The following NME6 variants were observed in gnomAD, a reference collection of about 807,000 sequenced individuals.
NME6 encodes nucleoside diphosphate kinase 6, mitochondrial.
Under a neutral mutation model 22.2 loss-of-function variants are expected in NME6, and 16 were observed. The ratio of observed to expected loss-of-function variants is 0.72; its 90% CI spans 0.49 to 1.09. NME6 has a LOEUF of 1.09. NME6 is among the 50% of genes least tolerant of loss of function. NME6 has a pLI of 0.00. For missense variants in NME6, 229 were observed against 239.0 expected (o/e 0.96, Z 0.28); for synonymous variants, 58 against 85.2 (o/e 0.68, Z 1.76).
At chr3:48,290,306 T>C (rs564161443), downstream of NME6, among the ~76,000 whole-genome samples, 24 of 152,222 alleles carry the variant, frequency 1.6e-4, 1 homozygote, top group African/African-American at 2.2e-4. Context: ...TTATTTTATT[T>C]TTCTAAAAAG....
intron 4 of NME6, chr3:48,295,889 G>A (rs2035041371): frequency 9.0e-6 from 5 of 552,496 alleles, no homozygotes; most frequent in Non-Finnish European, 1.6e-5. Flanking sequence ...CTAATTTTTT[G>A]TATTTTTAGT....
rs949342926 is a variant in NME6, at chr3:48,293,488, C to T, written c.*1149G>A. The T allele has an allele frequency of 6.6e-5, 10 of 152,228 alleles. No homozygotes were observed. Among genetic ancestry groups the T allele is most frequent in the African/African-American group, 2.4e-4 (10 of 41,464 alleles). 9.4% of individuals were successfully genotyped at this position (152,228 alleles called of 1,614,324 possible). A position where few individuals can be genotyped will look rare whatever the true frequency, so the allele number is the denominator to read the frequency against. On this transcript the variant is annotated 3_prime_UTR_variant, in exon 6 of 6. Coordinates refer to ENST00000442597, the MANE Select transcript of NME6 (RefSeq NM_001308426.2). ...CACATACAAAACTGACCCATATATT[C>T]CTGAAAATGAACAGACTGTCTAGTG...
In NME6 at chr3:48,292,418, T is replaced by C. The variant is rs750921793; in HGVS notation, c.*2219A>G. On this transcript the variant is annotated 3_prime_UTR_variant, in exon 6 of 6. Transcript: ENST00000442597. ...TTTTATTGGGAGATAATTCTGTGTC[T>C]CTTGTGGGTGTCTTAATTGTCAGAT... 5 of 152,240 alleles carry C rather than the reference T, an allele frequency of 3.3e-5. No individual in the cohort carries two copies. The highest frequency in any genetic ancestry group is 6.5e-5 in the Admixed American group (1 of 15,286). The allele number at this position is 152,240 out of a possible 1,614,324, so 9.4% of individuals were successfully genotyped here. A position where few individuals can be genotyped will look rare whatever the true frequency, so the allele number is the denominator to read the frequency against.
At chr3:48,290,518 TACTA>T (rs2034382350), downstream of NME6, among the ~76,000 whole-genome samples, 1 of 152,202 alleles carries the variant, frequency 6.6e-6, no homozygotes, top group South Asian at 2.1e-4. Flanking sequence ...TATAATACTC[TACTA>T]ACTATATTCA....
rs182957460 is a variant in NME6, at chr3:48,292,337, T to A, written c.*2300A>T. 10 of 152,184 alleles carry A rather than the reference T, an allele frequency of 6.6e-5. No homozygotes were observed. Among genetic ancestry groups the A allele is most frequent in the African/African-American group, 2.2e-4 (9 of 41,516 alleles). 9.4% of individuals were successfully genotyped at this position (152,184 alleles called of 1,614,324 possible). On this transcript the variant is annotated 3_prime_UTR_variant, in exon 6 of 6. Transcript: ENST00000442597. ...ATATCTCCAATTCGACACCACAGGGTTTATTCTAGTTTTCTCCCTTTCCAT... is the reference window on the plus strand; with the variant it reads ...ATATCTCCAATTCGACACCACAGGGATTATTCTAGTTTTCTCCCTTTCCAT...
chr3:48,296,426 T>C (rs552209893), intron 3 of NME6, among the ~76,000 whole-genome samples: 17 of 152,216 alleles, frequency 1.1e-4, no homozygotes, highest in Admixed American at 2.6e-4. Context: ...GTTGGGAAAA[T>C]TGAATGAAAA....
intron 3 of NME6, 94 bp from the exon 4 acceptor site, chr3:48,296,252 T>A: frequency 6.4e-7 from 1 of 1,568,708 alleles, no homozygotes; most frequent in Non-Finnish European, 8.7e-7. Flanking sequence ...ATAATAAAAA[T>A]TGTTTCAGAG....
downstream of NME6, among the ~76,000 whole-genome samples, chr3:48,290,174 C>T (rs1006140399): frequency 6.6e-6 from 1 of 151,440 alleles, no homozygotes; most frequent in African/African-American, 2.4e-5. Context: ...GATCCTCCTG[C>T]CTCAGCCTCC....
Position 48,294,585 on chromosome 3 carries a change from CTA to C in NME6, c.*50_*51del. On this transcript the variant is annotated 3_prime_UTR_variant, in exon 6 of 6. Transcript: ENST00000442597. ...CCTGGTCCTAGGAGAATGTTTTAGACTAGATGTCTAGGAGAAGTCTGGGCACT... is the reference window on the plus strand; with the variant it reads ...CCTGGTCCTAGGAGAATGTTTTAGACGATGTCTAGGAGAAGTCTGGGCACT... 1 of 1,588,202 alleles carries C rather than the reference CTA, an allele frequency of 6.3e-7. No homozygotes were observed. Among genetic ancestry groups the C allele is most frequent in the Non-Finnish European group, 8.6e-7 (1 of 1,160,684 alleles).
chr3:48,287,666 G>A (rs2034251351), downstream of NME6: 1 of 152,186 alleles, frequency 6.6e-6, no homozygotes, highest in African/African-American at 2.4e-5. Flanking sequence ...GATGATCCAA[G>A]AAAGACAGGA....
At chr3:48,300,131 C>T in intron 1 of NME6, 1 of 419,136 alleles carries the variant, frequency 2.4e-6, no homozygotes, top group Non-Finnish European at 4.8e-6. Context: ...AATCTCCACA[C>T]AGCAGCCAAA....
At chr3:48,290,057 C>G (rs2106875805), downstream of NME6, among the ~76,000 whole-genome samples, 1 of 150,984 alleles carries the variant, frequency 6.6e-6, no homozygotes, top group Middle Eastern at 3.5e-3. Flanking sequence ...GAAACAAATA[C>G]AATGGTTTTT....
At chr3:48,301,314 C>T in intron 1 of NME6, 39 bp downstream of exon 1, 1 of 1,593,342 alleles carries the variant, frequency 6.3e-7, no homozygotes, top group Non-Finnish European at 8.5e-7. Context: ...CTGGGTCATT[C>T]GGAGCCCCAG....
intron 5 of NME6, 45 bp downstream of exon 5, chr3:48,295,029 GC>G: frequency 6.3e-7 from 1 of 1,584,432 alleles, no homozygotes; most frequent in East Asian, 2.3e-5. Flanking sequence ...CACACAGCCT[GC>G]CCGCTAACCC....
At chr3:48,288,356 C>T (rs2034273242), downstream of NME6, among the ~76,000 whole-genome samples, 1 of 143,690 alleles carries the variant, frequency 7.0e-6, no homozygotes, top group Non-Finnish European at 1.5e-5. Flanking sequence ...GCCTAGGTGA[C>T]AGAGTGAGAC....
Position 48,296,811 on chromosome 3 carries a change from G to C in NME6, c.109C>G (p.Leu37Val), listed in dbSNP as rs1000455184. The C allele has an allele frequency of 1.9e-6, 3 of 1,612,870 alleles. No homozygotes were observed. The highest frequency in any genetic ancestry group is 2.5e-6 in the Non-Finnish European group (3 of 1,179,482). Residue 37 changes from leucine to valine, a missense_variant, in exon 3 of 6, where the codon CTA becomes GTA. Physicochemically the swap from Leu to Val is conservative, Grantham distance 32. Transcript: ENST00000442597. ...LILEAVHQQILSNKFLIVRMR... is the reference protein window; with the variant it reads ...LILEAVHQQIVSNKFLIVRMR... ...CGTACAATCAGGAACTTGTTGCTTA[G>C]AATCTGCTGATGAACAGCCTGAATA...
rs1559995375 is a variant in NME6, at chr3:48,293,389, CAA to C, written c.*1246_*1247del. On this transcript the variant is annotated 3_prime_UTR_variant, in exon 6 of 6. Coordinates refer to ENST00000442597, the MANE Select transcript of NME6 (RefSeq NM_001308426.2). ...TTCAACTCAAAGGTTTCAAGGCCAC[CAA>C]AAAGAGAAATACACATGTACTGAGA... is the stretch of plus-strand genomic sequence containing the variant. 1 of 152,102 alleles carries C rather than the reference CAA, an allele frequency of 6.6e-6. No homozygotes were observed. The highest frequency in any genetic ancestry group is 2.1e-4 in the South Asian group (1 of 4,804). 9.4% of individuals were successfully genotyped at this position (152,102 alleles called of 1,614,324 possible).
At chr3:48,290,076 T>G (rs1049440140), downstream of NME6, among the ~76,000 whole-genome samples, 1 of 151,810 alleles carries the variant, frequency 6.6e-6, no homozygotes, top group African/African-American at 2.4e-5. Context: ...TTTGTTTTTT[T>G]TTTTGAGACG....
At chr3:48,291,769 T>G (rs996716744), downstream of NME6, 3 of 152,636 alleles carry the variant, frequency 2.0e-5, no homozygotes, top group African/African-American at 7.2e-5. Flanking sequence ...TGTTTTGTTT[T>G]GTTTCATTTT....
Sources: gnomAD v4.1 joint callset for allele counts (sites outside exome capture counted in the v4.1 genomes callset) on GRCh38, gnomAD v4.1.1 for gene constraint, MANE v1.5 for transcripts, NCBI Gene and HGNC (gene_info 2026-07-23, HGNC 2026-07-21) for gene names.